MRPL1: variants seen among roughly 807,000 people sequenced by gnomAD.
MRPL1 encodes the protein large ribosomal subunit protein uL1m.
Under a neutral mutation model 38.0 loss-of-function variants are expected in MRPL1, and 28 were observed. The ratio of observed to expected loss-of-function variants is 0.74; its 90% CI spans 0.55 to 1.01. MRPL1 has a LOEUF of 1.01. MRPL1 is among the 50% of genes least tolerant of loss of function. The pLI, the probability that MRPL1 is intolerant of heterozygous loss-of-function variation, is 0.00. For synonymous variants in MRPL1, 123 were observed against 126.7 expected (o/e 0.97, Z 0.20); for missense variants, 358 against 389.8 (o/e 0.92, Z 0.69).
intron 8 of MRPL1, among the ~76,000 whole-genome samples, chr4:77,951,532 A>G (rs958536852): frequency 6.6e-6 from 1 of 152,246 alleles, no homozygotes; most frequent in Non-Finnish European, 1.5e-5. Context: ...TCAGTAATAC[A>G]GTACTTTTCA....
intron 1 of MRPL1, among the ~76,000 whole-genome samples, chr4:77,870,227 T>C (rs962311650): frequency 2.6e-5 from 4 of 152,210 alleles, no homozygotes; most frequent in Non-Finnish European, 5.9e-5. Flanking sequence ...GCAATTGATA[T>C]GTTCAAGAGA....
chr4:77,949,756 G>T, intron 7 of MRPL1, 41 bp from the exon 8 acceptor site: 3 of 1,277,418 alleles, frequency 2.3e-6, no homozygotes, highest in African/African-American at 1.5e-5. Context: ...TTATCTTCTT[G>T]CTTTCTCATC....
chr4:77,929,759 G>A (rs570615456), intron 7 of MRPL1, among the ~76,000 whole-genome samples: 17 of 88,826 alleles, frequency 1.9e-4, no homozygotes, highest in African/African-American at 1.0e-3. Flanking sequence ...CCCCTTTAAA[G>A]GGTTTTATTT....
chr4:77,868,380 C>A (rs1176920786), intron 1 of MRPL1, among the ~76,000 whole-genome samples: 4 of 152,034 alleles, frequency 2.6e-5, no homozygotes, highest in African/African-American at 9.7e-5. Context: ...GCTGGGATTA[C>A]AGGAGCATGC....
chr4:77,871,900 A>T, intron 2 of MRPL1, 45 bp downstream of exon 2: 1 of 1,305,782 alleles, frequency 7.7e-7, no homozygotes, highest in Non-Finnish European at 1.1e-6. Flanking sequence ...TGTCATTTTA[A>T]TTTTTTTTAA....
intron 6 of MRPL1, among the ~76,000 whole-genome samples, chr4:77,905,681 C>A (rs1037632888): frequency 2.0e-5 from 3 of 151,486 alleles, no homozygotes; most frequent in African/African-American, 7.2e-5. Flanking sequence ...AAATCTACAT[C>A]ATCAATCTAT....
chr4:77,943,674 A>C (rs1049052079), intron 7 of MRPL1, among the ~76,000 whole-genome samples: 1 of 152,094 alleles, frequency 6.6e-6, no homozygotes, highest in African/African-American at 2.4e-5. Context: ...CTGAGACTTT[A>C]CAGTGCATTT....
At chr4:77,869,112 G>T (rs75178058) in intron 1 of MRPL1, among the ~76,000 whole-genome samples, 69 of 152,272 alleles carry the variant, frequency 4.5e-4, no homozygotes, top group African/African-American at 1.5e-3. Flanking sequence ...AAGAATAGAT[G>T]GATACGATTC....
intron 7 of MRPL1, among the ~76,000 whole-genome samples, chr4:77,921,408 C>A (rs964790011): frequency 2.0e-5 from 3 of 152,084 alleles, no homozygotes; most frequent in African/African-American, 7.2e-5. Context: ...AGGCCTGCCT[C>A]TCTAAATTGG....
intron 7 of MRPL1, among the ~76,000 whole-genome samples, chr4:77,932,762 G>T (rs1736877353): frequency 6.6e-6 from 1 of 151,946 alleles, no homozygotes; most frequent in African/African-American, 2.4e-5. Flanking sequence ...AATAATAATA[G>T]AAATAGAGTG....
intron 6 of MRPL1, among the ~76,000 whole-genome samples, chr4:77,907,527 C>CCTCT (rs374380235): frequency 7.3e-6 from 1 of 136,704 alleles, no homozygotes; most frequent in African/African-American, 2.7e-5. Flanking sequence ...TTCCTCCTTC[C>CCTCT]CTCTCTCTCT....
chr4:77,932,694 C>T (rs1736876260), intron 7 of MRPL1, among the ~76,000 whole-genome samples: 1 of 151,888 alleles, frequency 6.6e-6, no homozygotes, highest in African/African-American at 2.4e-5. Context: ...AGCTCAGGGC[C>T]CCCACTGATT....
At chr4:77,925,310 A>G (rs150233632) in intron 7 of MRPL1, among the ~76,000 whole-genome samples, 3 of 151,572 alleles carry the variant, frequency 2.0e-5, no homozygotes, top group Non-Finnish European at 2.9e-5. Flanking sequence ...CTGTGAATAG[A>G]TTTATAGAGA....
intron 2 of MRPL1, among the ~76,000 whole-genome samples, chr4:77,875,828 C>T (rs1217617070): frequency 6.6e-6 from 1 of 151,944 alleles, no homozygotes; most frequent in African/African-American, 2.4e-5. Flanking sequence ...GTGAATAGTG[C>T]CTGGATTCTT....
At chr4:77,918,263 A>G (rs749176169) in intron 7 of MRPL1, among the ~76,000 whole-genome samples, 3 of 152,160 alleles carry the variant, frequency 2.0e-5, no homozygotes, top group Non-Finnish European at 4.4e-5. Flanking sequence ...TATTGATTCA[A>G]CTGTTTTAAA....
At position 77,909,383 on chromosome 4, in the gene MRPL1, A is replaced by T. The variant is rs773547094; in HGVS notation, c.777+11A>T. ...ACCAAAATAGCAACAGTAAGTTACAATGAAAATTATCAAATAATCCTCTTT... is the reference window on the plus strand; with the variant it reads ...ACCAAAATAGCAACAGTAAGTTACATTGAAAATTATCAAATAATCCTCTTT... On this transcript the variant is annotated intron_variant, in intron 7 of 8. Coordinates refer to ENST00000315567, the MANE Select transcript of MRPL1 (RefSeq NM_020236.4). 5.7e-6 allele frequency: 8 copies of T among 1,404,560 alleles called. No homozygotes were observed. Among genetic ancestry groups the T allele is most frequent in the Non-Finnish European group, 8.0e-6 (8 of 1,001,888 alleles). 87.0% of individuals were successfully genotyped at this position (1,404,560 alleles called of 1,614,324 possible).
chr4:77,952,587 A>G lies in MRPL1; in HGVS notation c.958A>G (p.Ser320Gly). ...GCCTAAAGAAGTAAAAAATGAAGAA[A>G]GTGAAAAAGAAGATGCCTAAATGTG... ...LLPKEVKNEE[S>G]EKEDA Residue 320 changes from serine (S) to glycine (G), a missense_variant, in exon 9 of 9, where the codon AGT becomes GGT. By Grantham distance (56) the Ser-to-Gly change is moderately conservative. Coordinates refer to ENST00000315567, the MANE Select transcript of MRPL1 (RefSeq NM_020236.4). The G allele has an allele frequency of 4.4e-6, 7 of 1,607,350 alleles. No homozygotes were observed. The highest frequency in any genetic ancestry group is 2.2e-5 in the East Asian group (1 of 44,728).
intron 7 of MRPL1, among the ~76,000 whole-genome samples, chr4:77,921,560 G>A (rs948513428): frequency 3.9e-5 from 6 of 152,106 alleles, no homozygotes; most frequent in Non-Finnish European, 8.8e-5. Context: ...GGAACAAGAG[G>A]TATTTCTTCT....
At chr4:77,907,139 G>C (rs537435092) in intron 6 of MRPL1, 206 of 984,196 alleles carry the variant, frequency 2.1e-4, no homozygotes, top group Non-Finnish European at 2.5e-4. Flanking sequence ...CTCTTCAGTG[G>C]CACAGTCTTC....
Sources: allele counts gnomAD v4.1 joint callset (sites outside exome capture counted in the v4.1 genomes callset), GRCh38; gene constraint gnomAD v4.1.1; transcripts MANE v1.5; gene names NCBI Gene and HGNC (gene_info 2026-07-23, HGNC 2026-07-21).